SORCS1: variants seen among roughly 807,000 people sequenced by gnomAD.
SORCS1 encodes VPS10 domain-containing receptor SorCS1.
A neutral mutation model predicts 146.1 loss-of-function variants in SORCS1; 60 were observed. The ratio of observed to expected loss-of-function variants is 0.41; its 90% CI spans 0.33 to 0.51. The LOEUF (loss-of-function observed/expected upper bound fraction) is 0.51. SORCS1 is among the 20% of genes least tolerant of loss of function. SORCS1 has a pLI of 0.21. For synonymous variants in SORCS1, 637 were observed against 584.0 expected, an observed-to-expected ratio of 1.09 and a Z score of -1.31; for missense variants, 1,352 against 1,487.6, an observed-to-expected ratio of 0.91 and a Z score of 1.50.
At chr10:106,988,209 C>T (rs1589860047) in intron 1 of SORCS1, among the ~76,000 whole-genome samples, 1 of 152,322 alleles carries the variant, frequency 6.6e-6, no homozygotes, top group Non-Finnish European at 1.5e-5. Flanking sequence ...AGAGTCATGC[C>T]ATACTCACTT....
At chr10:107,035,776 A>C (rs549686941) in intron 1 of SORCS1, among the ~76,000 whole-genome samples, 2 of 152,210 alleles carry the variant, frequency 1.3e-5, no homozygotes, top group Admixed American at 1.3e-4. Context: ...AAGGGACAGC[A>C]CTTCTAGAAT....
intron 1 of SORCS1, among the ~76,000 whole-genome samples, chr10:107,002,406 T>C (rs1957258783): frequency 1.3e-5 from 2 of 152,338 alleles, no homozygotes; most frequent in South Asian, 2.1e-4. Context: ...GGAAAGCTCC[T>C]ACCTGAGACT....
rs146008036 is a variant in SORCS1, at chr10:106,781,543, G to A, written c.727-4851C>T. 1.2e-4 allele frequency among the ~76,000 whole-genome samples: 18 copies of A among 152,208 alleles called. No homozygotes were observed. The East Asian group carries it at 3.3e-3, about 28-fold the overall frequency. Reference sequence around the variant, plus strand: ...GAAAAACAGCAACAGCAGCAATTAGGCACTCCAGTTATCTACTGCTACCCA... The same window carrying A: ...GAAAAACAGCAACAGCAGCAATTAGACACTCCAGTTATCTACTGCTACCCA... On this transcript the variant is annotated intron_variant, in intron 3 of 25. Coordinates refer to ENST00000263054, the MANE Select transcript of SORCS1 (RefSeq NM_052918.5).
chr10:106,800,518 T>A (rs1055617968), intron 3 of SORCS1, among the ~76,000 whole-genome samples: 1 of 118,892 alleles, frequency 8.4e-6, no homozygotes. Context: ...TGAATCTTTT[T>A]TTTTTTTTTT....
chr10:106,667,955 C>G (rs1029697984), intron 16 of SORCS1, among the ~76,000 whole-genome samples, 153 bp from the exon 17 acceptor site: 28 of 151,716 alleles, frequency 1.8e-4, no homozygotes, highest in African/African-American at 6.3e-4. Flanking sequence ...TTCCCTGAAT[C>G]AATGACTTCT....
chr10:107,025,142 C>T (rs1958342740), intron 1 of SORCS1, among the ~76,000 whole-genome samples: 1 of 152,170 alleles, frequency 6.6e-6, no homozygotes, highest in South Asian at 2.1e-4. Context: ...AAATGAAAGG[C>T]ACAGTCTTAT....
At chr10:106,741,637 TGA>T (rs371543121) in intron 5 of SORCS1, among the ~76,000 whole-genome samples, 2 of 147,572 alleles carry the variant, frequency 1.4e-5, no homozygotes, top group Admixed American at 6.8e-5. Context: ...AGAGAGAGAG[TGA>T]GAGAGAGAGA....
At chr10:106,887,255 C>T (rs1281224153) in intron 2 of SORCS1, among the ~76,000 whole-genome samples, 1 of 152,036 alleles carries the variant, frequency 6.6e-6, no homozygotes, top group African/African-American at 2.4e-5. Context: ...ATGAAAATGA[C>T]ATTTAAAATA....
At chr10:107,086,294 A>G (rs1963755023) in intron 1 of SORCS1, among the ~76,000 whole-genome samples, 1 of 152,232 alleles carries the variant, frequency 6.6e-6, no homozygotes, top group Non-Finnish European at 1.5e-5. Flanking sequence ...GGAAGTGAGC[A>G]GATGATGCAT....
chr10:107,034,797 T>C (rs767845453), intron 1 of SORCS1, among the ~76,000 whole-genome samples: 10 of 151,734 alleles, frequency 6.6e-5, no homozygotes, highest in Non-Finnish European at 1.3e-4. Context: ...GATGAATTAG[T>C]TGGACATTGA....
intron 4 of SORCS1, among the ~76,000 whole-genome samples, chr10:106,762,296 G>T (rs957457409): frequency 6.6e-6 from 1 of 151,062 alleles, no homozygotes; most frequent in African/African-American, 2.4e-5. Context: ...GCTTATCTAT[G>T]TAAGCTTATC....
At chr10:106,989,836 G>A (rs1350917444) in intron 1 of SORCS1, among the ~76,000 whole-genome samples, 6 of 151,522 alleles carry the variant, frequency 4.0e-5, no homozygotes, top group South Asian at 4.2e-4. Flanking sequence ...ACAGGCGCCC[G>A]CCACCACGCC....
At chr10:107,084,092 G>GTTTTTTTTTTTTTTT (rs34590427) in intron 1 of SORCS1, among the ~76,000 whole-genome samples, 2 of 113,808 alleles carry the variant, frequency 1.8e-5, no homozygotes, top group Non-Finnish European at 1.8e-5. Flanking sequence ...GTTGTTTTTT[G>GTTTTTTTTTTTTTTT]TTTTTTTTTT....
chr10:106,730,624 C>T (rs886407052), intron 5 of SORCS1, among the ~76,000 whole-genome samples: 4 of 152,136 alleles, frequency 2.6e-5, no homozygotes, highest in Non-Finnish European at 5.9e-5. Context: ...TCTGTATTGT[C>T]GAACCCGTGT....
At chr10:107,016,041 A>G (rs569438137) in intron 1 of SORCS1, among the ~76,000 whole-genome samples, 9 of 152,218 alleles carry the variant, frequency 5.9e-5, no homozygotes, top group Non-Finnish European at 1.3e-4. Context: ...GGAAAAGACA[A>G]TTGGCCGAGC....
chr10:106,878,516 C>T (rs946136792), intron 2 of SORCS1, among the ~76,000 whole-genome samples: 4 of 150,398 alleles, frequency 2.7e-5, no homozygotes, highest in South Asian at 4.2e-4. Context: ...CATCTATGAA[C>T]CCCATAAAGA....
intron 23 of SORCS1, among the ~76,000 whole-genome samples, chr10:106,603,468 A>T (rs1365285328): frequency 1.3e-5 from 2 of 152,198 alleles, no homozygotes; most frequent in East Asian, 3.9e-4. Context: ...CACAGACAAG[A>T]TAGCTCGATC....
chr10:106,772,776 T>A (rs1197894383), intron 4 of SORCS1, among the ~76,000 whole-genome samples: 1 of 152,016 alleles, frequency 6.6e-6, no homozygotes, highest in Non-Finnish European at 1.5e-5. Flanking sequence ...ACTCTTTGAG[T>A]CCCTTATAAT....
intron 17 of SORCS1, among the ~76,000 whole-genome samples, chr10:106,658,507 A>T (rs577200554): frequency 2.6e-5 from 4 of 152,226 alleles, no homozygotes; most frequent in African/African-American, 9.6e-5. Context: ...TAAATAGTTT[A>T]ATTTCTTGGC....
Sources: allele counts gnomAD v4.1 joint callset (sites outside exome capture counted in the v4.1 genomes callset), GRCh38; gene constraint gnomAD v4.1.1; transcripts MANE v1.5; gene names NCBI Gene and HGNC (gene_info 2026-07-23, HGNC 2026-07-21).